CLASP1: variants seen among roughly 807,000 people sequenced by gnomAD.
The protein encoded by CLASP1 is CLIP-associating protein 1.
A neutral mutation model predicts 192.3 loss-of-function variants in CLASP1; 38 were observed. The ratio of observed to expected loss-of-function variants is 0.20; its 90% CI spans 0.15 to 0.26. The LOEUF (loss-of-function observed/expected upper bound fraction) is 0.26, where lower values mean the gene tolerates loss of function less well. Among genes scored for constraint, CLASP1 ranks in the 10% least tolerant of loss-of-function variants. The pLI is 1.00. For synonymous variants in CLASP1, 691 were observed against 712.8 expected (o/e 0.97, Z 0.49); for missense variants, 1,433 against 1,932.5 (o/e 0.74, Z 4.85).
intron 14 of CLASP1, among the ~76,000 whole-genome samples, chr2:121,453,911 T>TGAGGGCA (rs2086079514): frequency 6.6e-6 from 1 of 152,174 alleles, no homozygotes; most frequent in South Asian, 2.1e-4. Flanking sequence ...TCTCCCTTTC[T>TGAGGGCA]GAGGGCAGAG....
At chr2:121,378,496 C>G (rs1186751407) in intron 33 of CLASP1, among the ~76,000 whole-genome samples, 1 of 152,050 alleles carries the variant, frequency 6.6e-6, no homozygotes, top group Non-Finnish European at 1.5e-5. Flanking sequence ...TCAACAAGTG[C>G]CTTTTAGATG....
At chr2:121,607,423 G>C (rs1350116884) in intron 1 of CLASP1, among the ~76,000 whole-genome samples, 1 of 152,202 alleles carries the variant, frequency 6.6e-6, no homozygotes, top group Non-Finnish European at 1.5e-5. Flanking sequence ...TTTGGGCCTA[G>C]TGTTTTGATA....
At chr2:121,406,830 C>G (rs771341672) in intron 25 of CLASP1, among the ~76,000 whole-genome samples, 3 of 152,086 alleles carry the variant, frequency 2.0e-5, no homozygotes, top group Non-Finnish European at 1.5e-5. Flanking sequence ...GAGTCAAGTG[C>G]TCCTCCTGCC....
chr2:121,580,183 A>C (rs1020072340), intron 2 of CLASP1, among the ~76,000 whole-genome samples: 3 of 152,188 alleles, frequency 2.0e-5, no homozygotes, highest in African/African-American at 7.2e-5. Flanking sequence ...AAAATTAAGA[A>C]ATCACTGTGA....
At chr2:121,525,822 C>G in intron 6 of CLASP1, 23 bp downstream of exon 6, 1 of 1,575,650 alleles carries the variant, frequency 6.3e-7, no homozygotes, top group Non-Finnish European at 8.7e-7. Flanking sequence ...TGACTTCTCC[C>G]GAGGGTTTTC....
At chr2:121,381,993 T>C (rs2071791224) in intron 33 of CLASP1, among the ~76,000 whole-genome samples, 1 of 152,158 alleles carries the variant, frequency 6.6e-6, no homozygotes, top group Non-Finnish European at 1.5e-5. Context: ...TAAAGGGTCA[T>C]CTGTCCCTGT....
chr2:121,463,958 T>C (rs1304449973), intron 9 of CLASP1, among the ~76,000 whole-genome samples: 1 of 151,364 alleles, frequency 6.6e-6, no homozygotes, highest in African/African-American at 2.4e-5. Flanking sequence ...ACTCGTCATT[T>C]AGCATTAGGT....
chr2:121,459,944 T>C (rs369493197), intron 12 of CLASP1, 36 bp downstream of exon 12: 1 of 1,580,082 alleles, frequency 6.3e-7, no homozygotes. Flanking sequence ...GGTGACACTA[T>C]TTTATGGTGA....
chr2:121,472,008 C>T (rs72969332), intron 8 of CLASP1, among the ~76,000 whole-genome samples: 6,035 of 152,286 alleles, frequency 0.04, 162 homozygotes, highest in East Asian at 0.14. Context: ...GCCTATCTGT[C>T]CTCTGGGGAG....
chr2:121,374,473 A>G (rs58700494), intron 34 of CLASP1, among the ~76,000 whole-genome samples: 9,445 of 152,310 alleles, frequency 0.062, 349 homozygotes, highest in East Asian at 0.14. Flanking sequence ...ACTGCCTAGC[A>G]GAGCAGTGAG....
Position 121,638,481 on chromosome 2 carries a change from T to C in CLASP1, c.-286+10891A>G, listed in dbSNP as rs544812400. Among the ~76,000 whole-genome samples, 16 of 152,078 alleles carry C rather than the reference T, an allele frequency of 1.1e-4. No individual in the cohort carries two copies. In the South Asian group the frequency reaches 2.3e-3, roughly 22 times the overall value. ...CGCAACAATTCCACTCCAAGGTATA[T>C]ACCCAAAAGAAATGAAAACAGAGAT... On this transcript the variant is annotated intron_variant, in intron 1 of 39. Transcript: ENST00000263710.
At chr2:121,387,949 G>A (rs2073617086) in intron 30 of CLASP1, 43 bp from the exon 32 acceptor site, 2 of 1,447,812 alleles carry the variant, frequency 1.4e-6, no homozygotes, top group African/African-American at 2.8e-5. Flanking sequence ...TGTACAATAG[G>A]TCATCAAAAT....
intron 1 of CLASP1, among the ~76,000 whole-genome samples, chr2:121,626,510 GA>G (rs1326001491): frequency 2.0e-5 from 3 of 152,188 alleles, no homozygotes; most frequent in Non-Finnish European, 4.4e-5. Context: ...TTACAGACAA[GA>G]AGAGATTCAG....
chr2:121,610,324 G>A (rs1337228814), intron 1 of CLASP1, among the ~76,000 whole-genome samples: 3 of 151,584 alleles, frequency 2.0e-5, no homozygotes, highest in Non-Finnish European at 2.9e-5. Flanking sequence ...ACTGGAGGAG[G>A]AGGAGTTATA....
intron 22 of CLASP1, among the ~76,000 whole-genome samples, chr2:121,424,206 T>C (rs1156612961): frequency 6.6e-6 from 1 of 152,212 alleles, no homozygotes; most frequent in Non-Finnish European, 1.5e-5. Flanking sequence ...TGTCATAGTA[T>C]TCGTCATACT....
intron 7 of CLASP1, among the ~76,000 whole-genome samples, chr2:121,509,004 A>C (rs2094029648): frequency 1.3e-5 from 2 of 152,214 alleles, no homozygotes; most frequent in African/African-American, 4.8e-5. Context: ...AAAAGTGACA[A>C]CTGAAGAGAG....
chr2:121,409,874 C>T (rs547905187), intron 24 of CLASP1, among the ~76,000 whole-genome samples: 1 of 152,256 alleles, frequency 6.6e-6, no homozygotes, highest in African/African-American at 2.4e-5. Context: ...TACAGGTGGC[C>T]AGGCAGCTTG....
At chr2:121,582,201 GA>G (rs1444908396) in intron 2 of CLASP1, among the ~76,000 whole-genome samples, 6 of 149,056 alleles carry the variant, frequency 4.0e-5, no homozygotes, top group Admixed American at 6.8e-5. Context: ...AAGAAAGGAA[GA>G]AAAAAAGAAA....
At chr2:121,407,268 A>C (rs2077061151) in intron 25 of CLASP1, among the ~76,000 whole-genome samples, 1 of 152,156 alleles carries the variant, frequency 6.6e-6, no homozygotes, top group Non-Finnish European at 1.5e-5. Context: ...ATTTCAAAGC[A>C]AATGGATGGC....
Sources: gnomAD v4.1 joint callset for allele counts (sites outside exome capture counted in the v4.1 genomes callset) on GRCh38, gnomAD v4.1.1 for gene constraint, MANE v1.5 for transcripts, NCBI Gene and HGNC (gene_info 2026-07-23, HGNC 2026-07-21) for gene names.